Variants in CADPS observed in about 807,000 individuals in gnomAD.
CADPS encodes the protein calcium dependent secretion activator, also known as calcium-dependent secretion activator 1.
CADPS carries 57 observed loss-of-function variants against 167.3 expected under a neutral mutation model. The ratio of observed to expected loss-of-function variants is 0.34; its 90% CI spans 0.28 to 0.42. The LOEUF is 0.42. Among genes scored for constraint, CADPS ranks in the 20% least tolerant of loss-of-function variants. CADPS has a pLI of 1.00. For missense variants in CADPS, 1,414 were observed against 1,738.1 expected (o/e 0.81, Z 3.32); for synonymous variants, 676 against 635.3 (o/e 1.06, Z -0.96).
chr3:62,432,204 A>G (rs1575945030), intron 28 of CADPS, among the ~76,000 whole-genome samples: 1 of 152,142 alleles, frequency 6.6e-6, no homozygotes, highest in Non-Finnish European at 1.5e-5. Flanking sequence ...TAAGAGACTC[A>G]TTGAATTTTT....
intron 3 of CADPS, among the ~76,000 whole-genome samples, chr3:62,666,756 C>A (rs994301160): frequency 6.6e-6 from 1 of 152,140 alleles, no homozygotes; most frequent in African/African-American, 2.4e-5. Context: ...TTCAAGTCCA[C>A]CAGAGACAAT....
intron 6 of CADPS, among the ~76,000 whole-genome samples, chr3:62,599,840 T>TTA (rs370096029): frequency 0.18 from 1,985 of 11,086 alleles, 127 homozygotes; most frequent in East Asian, 0.34. Flanking sequence ...ATATAATATA[T>TTA]TATATATATA....
At chr3:62,679,724 C>T (rs1454265306) in intron 3 of CADPS, among the ~76,000 whole-genome samples, 2 of 152,020 alleles carry the variant, frequency 1.3e-5, no homozygotes, top group African/African-American at 4.8e-5. Flanking sequence ...CCTGGAAAAG[C>T]TAGTCACAGA....
chr3:62,712,359 G>A (rs948349702), intron 3 of CADPS, among the ~76,000 whole-genome samples: 6 of 152,072 alleles, frequency 3.9e-5, no homozygotes, highest in Admixed American at 1.3e-4. Context: ...TTGCTAACAC[G>A]GATATTGGTA....
Position 62,409,513 on chromosome 3 carries a change from A to G in CADPS, c.3778-6328T>C, listed in dbSNP as rs117039595. Among the ~76,000 whole-genome samples the G allele has an allele frequency of 2.0e-5, 3 of 152,350 alleles. No homozygotes were observed. In the East Asian group the frequency reaches 5.8e-4, roughly 29 times the overall value. On this transcript the variant is annotated intron_variant, in intron 28 of 29. Transcript: ENST00000383710. ...AACCACTCAACAGCCTTAAGAACTG[A>G]TGGATGAGAGACAATCATTGCTGAC...
Position 62,536,589 on chromosome 3 carries a change from T to C in CADPS, c.1967-8A>G. The C allele has an allele frequency of 6.2e-7, 1 of 1,612,352 alleles. No individual in the cohort carries two copies. The highest frequency in any genetic ancestry group is 8.5e-7 in the Non-Finnish European group (1 of 1,178,778). On this transcript the variant is annotated splice_polypyrimidine_tract_variant and splice_region_variant and intron_variant, in intron 11 of 29. Coordinates refer to ENST00000383710, the MANE Select transcript of CADPS (RefSeq NM_003716.4). Reference sequence around the variant, plus strand: ...TTTGAGCTCTATCTGCGTCTGTTCATTTATACATGTAGAGAGAGACACAAT... The same window carrying C: ...TTTGAGCTCTATCTGCGTCTGTTCACTTATACATGTAGAGAGAGACACAAT...
intron 1 of CADPS, among the ~76,000 whole-genome samples, chr3:62,858,424 T>G (rs1219727317): frequency 6.6e-6 from 1 of 152,134 alleles, no homozygotes. Context: ...TCTGATTGGA[T>G]CAACTTGGAT....
intron 10 of CADPS, among the ~76,000 whole-genome samples, chr3:62,556,723 C>G (rs762001067): frequency 6.6e-6 from 1 of 150,904 alleles, no homozygotes; most frequent in Admixed American, 6.6e-5. Context: ...GGGAGAGGTG[C>G]GAGGGGGCAG....
intron 3 of CADPS, among the ~76,000 whole-genome samples, chr3:62,667,243 T>C (rs1261621004): frequency 1.3e-5 from 2 of 152,092 alleles, no homozygotes; most frequent in Non-Finnish European, 2.9e-5. Flanking sequence ...GCAAAGTTTA[T>C]AGAGTTATCC....
intron 24 of CADPS, among the ~76,000 whole-genome samples, chr3:62,467,569 C>G (rs967862485): frequency 6.6e-6 from 1 of 152,004 alleles, no homozygotes; most frequent in Non-Finnish European, 1.5e-5. Context: ...ATTGGAAGAC[C>G]TGGATAAAGT....
At chr3:62,600,789 A>C (rs893474759) in intron 6 of CADPS, among the ~76,000 whole-genome samples, 1 of 152,218 alleles carries the variant, frequency 6.6e-6, no homozygotes, top group Non-Finnish European at 1.5e-5. Flanking sequence ...CAGCTTTCAC[A>C]TCTATAAATT....
rs184894318 is a variant in CADPS at position 62,637,472 on chromosome 3, G to A, written c.1325+8250C>T. Among the ~76,000 whole-genome samples, 846 of 152,272 alleles carry A rather than the reference G, an allele frequency of 5.6e-3. 3 individuals carry two copies. Among genetic ancestry groups the A allele is most frequent in the Non-Finnish European group, 9.7e-3 (661 of 68,018 alleles). On this transcript the variant is annotated intron_variant, in intron 6 of 29. Transcript: ENST00000383710. The stretch of plus-strand genomic sequence containing the variant: ...GCAGAGAGCCTCTTTTTAGACTCAC[G>A]TGTTACACCTCACAGTGCTGATGTA...
chr3:62,445,892 G>A lies in CADPS; in HGVS notation c.3637-95C>T. ...ATCCCCATCAGAATCAAAACAACAT[G>A]CTGGCACATGGAGCTGACCAGGAAA... On this transcript the variant is annotated intron_variant, in intron 26 of 29. Transcript: ENST00000383710. 3 of 807,184 alleles carry A rather than the reference G, an allele frequency of 3.7e-6. No homozygotes were observed. The South Asian group carries it at 1.1e-4, about 30-fold the overall frequency. 50.0% of individuals were successfully genotyped at this position (807,184 alleles called of 1,614,324 possible). A position where few individuals can be genotyped will look rare whatever the true frequency, so the allele number is the denominator to read the frequency against.
intron 8 of CADPS, among the ~76,000 whole-genome samples, chr3:62,571,800 T>C (rs183408226): frequency 6.0e-4 from 91 of 152,184 alleles, no homozygotes; most frequent in Middle Eastern, 3.4e-3. Flanking sequence ...CCAACCTCAG[T>C]TGATCCACCC....
At chr3:62,631,518 C>T (rs2065270284) in intron 6 of CADPS, among the ~76,000 whole-genome samples, 1 of 152,160 alleles carries the variant, frequency 6.6e-6, no homozygotes, top group African/African-American at 2.4e-5. Flanking sequence ...TGCTTCCACG[C>T]AAGATCCTGC....
chr3:62,873,655 G>GTTTTTTTTTTTTTTT, intron 1 of CADPS, among the ~76,000 whole-genome samples: 1 of 144,346 alleles, frequency 6.9e-6, no homozygotes. Flanking sequence ...GCAGCCCAGA[G>GTTTTTTTTTTTTTTT]CTATGTCAGC....
chr3:62,427,597 C>A (rs368402925), intron 28 of CADPS, among the ~76,000 whole-genome samples: 1 of 152,066 alleles, frequency 6.6e-6, no homozygotes, highest in African/African-American at 2.4e-5. Flanking sequence ...TTGTAGCAAC[C>A]AGGAATGTCT....
rs370160083 is a variant in CADPS, at chr3:62,438,173, G to A, written c.3708C>T (p.Phe1236=). Residue 1236 remains phenylalanine (F), a synonymous_variant, in exon 28 of 30, where the codon TTC becomes TTT. Coordinates refer to ENST00000383710, the MANE Select transcript of CADPS (RefSeq NM_003716.4). The surrounding 1 kb of genome is among the most constrained non-coding windows in gnomAD (Gnocchi z 4.7). The part of the protein sequence containing the change: ...GMDVADAYVT[F]VRHSQDVLRD... Reference sequence around the variant, plus strand: ...GCAGGACATCCTGAGAATGGCGGACGAAAGTCACGTAGGCGTCGGCCACGT... The same window carrying A: ...GCAGGACATCCTGAGAATGGCGGACAAAAGTCACGTAGGCGTCGGCCACGT... 3.7e-6 allele frequency: 6 copies of A among 1,613,690 alleles called. No individual in the cohort carries two copies. Among genetic ancestry groups the A allele is most frequent in the Admixed American group, 1.7e-5 (1 of 60,010 alleles).
intron 3 of CADPS, among the ~76,000 whole-genome samples, chr3:62,743,305 A>G (rs576491707): frequency 6.6e-6 from 1 of 152,292 alleles, no homozygotes; most frequent in South Asian, 2.1e-4. Flanking sequence ...CTGCTTTTGT[A>G]AATAAAGTTT....
Sources: allele counts gnomAD v4.1 joint callset (sites outside exome capture counted in the v4.1 genomes callset), GRCh38; gene constraint gnomAD v4.1.1; non-coding constraint Gnocchi (gnomAD v3.1); transcripts MANE v1.5; gene names NCBI Gene and HGNC (gene_info 2026-07-23, HGNC 2026-07-21).